The following TTC29 variants were observed in gnomAD, a reference collection of about 807,000 sequenced individuals.
TTC29 encodes the protein tetratricopeptide repeat domain 29.
TTC29 carries 49 observed loss-of-function variants against 58.1 expected under a neutral mutation model. The observed-to-expected ratio is 0.84, with a 90% CI of 0.67 to 1.07. TTC29 has a LOEUF of 1.07. TTC29 is among the 50% of genes least tolerant of loss of function. The pLI is 0.00. For missense variants in TTC29, 582 were observed against 555.6 expected, an observed-to-expected ratio of 1.05 and a Z score of -0.48; for synonymous variants, 209 against 196.8, an observed-to-expected ratio of 1.06 and a Z score of -0.52.
intron 11 of TTC29, among the ~76,000 whole-genome samples, chr4:146,768,048 T>C (rs1176789735): frequency 6.6e-6 from 1 of 152,060 alleles, no homozygotes; most frequent in Non-Finnish European, 1.5e-5. Flanking sequence ...TCTTTCCAGT[T>C]TATATCAATA....
At chr4:146,930,084 C>CACATAT (rs1735210392) in intron 4 of TTC29, among the ~76,000 whole-genome samples, 1 of 77,462 alleles carries the variant, frequency 1.3e-5, no homozygotes, top group Non-Finnish European at 2.4e-5. Flanking sequence ...TGTGTGTGTG[C>CACATAT]ATATATATAT....
chr4:146,742,627 CCTTCGTTTCCTTCCTT>C (rs1304063142), intron 11 of TTC29, among the ~76,000 whole-genome samples: 3 of 143,810 alleles, frequency 2.1e-5, no homozygotes, highest in East Asian at 2.1e-4. Flanking sequence ...TCCCTTCCTT[CCTTCGTTTCCTTCCTT>C]CTTTCCTTCC....
intron 2 of TTC29, among the ~76,000 whole-genome samples, chr4:146,944,682 G>A (rs769805842): frequency 1.3e-5 from 2 of 152,032 alleles, no homozygotes; most frequent in Admixed American, 6.6e-5. Context: ...ACATCATCAC[G>A]AGTTCAAAAC....
rs201387882 is a variant in TTC29 at position 146,708,341 on chromosome 4, T to C, written c.1331-790A>G. The stretch of plus-strand genomic sequence containing the variant: ...ATATATATATATATATATATATATA[T>C]ATATATATATATATACACATGTATG... On this transcript the variant is annotated intron_variant, in intron 11 of 12. Transcript: ENST00000325106. Among the ~76,000 whole-genome samples, 43 of 62,814 alleles carry C rather than the reference T, an allele frequency of 6.8e-4. 1 individual carries two copies. In the East Asian group the frequency reaches 0.017, roughly 25 times the overall value. The allele number at this position is 62,814 out of a possible 152,430, so 41.2% of individuals were successfully genotyped here.
intron 4 of TTC29, among the ~76,000 whole-genome samples, chr4:146,920,444 C>T (rs893183497): frequency 6.6e-6 from 1 of 150,516 alleles, no homozygotes; most frequent in Non-Finnish European, 1.5e-5. Flanking sequence ...AGAAATATAA[C>T]GTTTAAAATA....
intron 10 of TTC29, among the ~76,000 whole-genome samples, chr4:146,814,633 G>A (rs374112063): frequency 8.6e-5 from 13 of 150,708 alleles, no homozygotes; most frequent in African/African-American, 2.9e-4. Context: ...GGCTGAGGCA[G>A]GAGAATTACT....
chr4:146,857,140 A>G (rs985510443), intron 8 of TTC29, among the ~76,000 whole-genome samples: 3 of 152,204 alleles, frequency 2.0e-5, no homozygotes, highest in African/African-American at 7.2e-5. Flanking sequence ...ATATTTTAAA[A>G]TTAGAAAATA....
chr4:146,761,761 G>A (rs958630833), intron 11 of TTC29, among the ~76,000 whole-genome samples: 1 of 149,988 alleles, frequency 6.7e-6, no homozygotes, highest in Non-Finnish European at 1.5e-5. Context: ...AAATAACCAG[G>A]GAATGTCTCT....
intron 10 of TTC29, among the ~76,000 whole-genome samples, chr4:146,804,339 T>G (rs1284088724): frequency 6.6e-6 from 1 of 150,404 alleles, no homozygotes; most frequent in Non-Finnish European, 1.5e-5. Flanking sequence ...GCTGCAGGAG[T>G]TTTTTTTTCA....
chr4:146,819,987 C>T lies in TTC29; in HGVS notation c.1101+138G>A, dbSNP rs1202248810. On this transcript the variant is annotated intron_variant, in intron 10 of 12. Coordinates refer to ENST00000325106, the MANE Select transcript of TTC29 (RefSeq NM_031956.4). ...TACTAGTCCTTGCCATGGACATTAACTACACCCTGCAGTCCAGGGCCATTC... is the reference window on the plus strand; with the variant it reads ...TACTAGTCCTTGCCATGGACATTAATTACACCCTGCAGTCCAGGGCCATTC... 1.1e-5 allele frequency: 12 copies of T among 1,126,276 alleles called. No homozygotes were observed. The East Asian group carries it at 2.6e-4, about 25-fold the overall frequency. 69.8% of individuals were successfully genotyped at this position (1,126,276 alleles called of 1,614,324 possible).
chr4:146,907,484 G>GTTGTT (rs1306087227), intron 5 of TTC29, among the ~76,000 whole-genome samples: 4 of 151,968 alleles, frequency 2.6e-5, no homozygotes, highest in East Asian at 3.9e-4. Flanking sequence ...TAGAATGTAG[G>GTTGTT]TTGTTTTGTT....
chr4:146,712,144 C>T (rs569442780), intron 11 of TTC29, among the ~76,000 whole-genome samples: 1 of 151,998 alleles, frequency 6.6e-6, no homozygotes, highest in Non-Finnish European at 1.5e-5. Flanking sequence ...TTTTTATAAA[C>T]CCAGAATCCC....
chr4:146,932,927 G>A lies in TTC29; in HGVS notation c.176+4667C>T, dbSNP rs182871364. Among the ~76,000 whole-genome samples the A allele has an allele frequency of 4.8e-3, 726 of 151,996 alleles. 4 individuals are homozygous for A. The highest frequency in any genetic ancestry group is 8.7e-3 in the Non-Finnish European group (593 of 67,948). On this transcript the variant is annotated intron_variant, in intron 4 of 12. Coordinates refer to ENST00000325106, the MANE Select transcript of TTC29 (RefSeq NM_031956.4). ...AAAAAAATTAGCCAGGCGTGGTGGC[G>A]GACGCCTGTAGTCCCAGCTACTTGG...
At chr4:146,873,915 T>G (rs1731090469) in intron 7 of TTC29, among the ~76,000 whole-genome samples, 1 of 152,176 alleles carries the variant, frequency 6.6e-6, no homozygotes, top group Non-Finnish European at 1.5e-5. Flanking sequence ...AAACTTTAGT[T>G]CAGGAGCATA....
At chr4:146,819,831 T>C (rs991113014) in intron 10 of TTC29, among the ~76,000 whole-genome samples, 8 of 152,294 alleles carry the variant, frequency 5.3e-5, no homozygotes, top group African/African-American at 1.9e-4. Context: ...TTTTAATTGC[T>C]CCTCAAATCC....
chr4:146,726,881 C>T (rs890967444), intron 11 of TTC29, among the ~76,000 whole-genome samples: 6 of 151,910 alleles, frequency 3.9e-5, no homozygotes, highest in African/African-American at 7.2e-5. Flanking sequence ...ACATTCCTTA[C>T]TTTAAAAATT....
intron 9 of TTC29, among the ~76,000 whole-genome samples, chr4:146,830,947 T>C (rs534598672): frequency 1.1e-4 from 17 of 152,352 alleles, no homozygotes; most frequent in African/African-American, 3.4e-4. Context: ...GTCTATCTTA[T>C]AGAATTTTAG....
At chr4:146,710,921 T>C (rs1019046795) in intron 11 of TTC29, among the ~76,000 whole-genome samples, 1 of 152,120 alleles carries the variant, frequency 6.6e-6, no homozygotes, top group Non-Finnish European at 1.5e-5. Context: ...CATCCCTTTT[T>C]TGAAAACAAT....
intron 11 of TTC29, among the ~76,000 whole-genome samples, chr4:146,744,607 T>C (rs1745407654): frequency 6.6e-6 from 1 of 152,098 alleles, no homozygotes; most frequent in African/African-American, 2.4e-5. Context: ...AATTACTCCA[T>C]CAGCACAGTG....
Sources: allele counts gnomAD v4.1 joint callset (sites outside exome capture counted in the v4.1 genomes callset), GRCh38; gene constraint gnomAD v4.1.1; transcripts MANE v1.5; gene names NCBI Gene and HGNC (gene_info 2026-07-23, HGNC 2026-07-21).